ADGRB3: variants seen among roughly 807,000 people sequenced by gnomAD.
ADGRB3 encodes brain-specific angiogenesis inhibitor 3.
ADGRB3 carries 37 observed loss-of-function variants against 193.4 expected under a neutral mutation model. That is an observed-to-expected ratio of 0.19 (90% CI 0.15 to 0.25). The LOEUF (loss-of-function observed/expected upper bound fraction) is 0.25. Among genes scored for constraint, ADGRB3 ranks in the 10% least tolerant of loss-of-function variants. The pLI, the probability that ADGRB3 is intolerant of heterozygous loss-of-function variation, is 1.00. For synonymous variants in ADGRB3, 690 were observed against 644.2 expected (o/e 1.07, Z -1.08); for missense variants, 1,637 against 1,852.9 (o/e 0.88, Z 2.14).
intron 11 of ADGRB3, among the ~76,000 whole-genome samples, chr6:68,995,679 C>A (rs17478347): frequency 1.1e-4 from 17 of 152,254 alleles, no homozygotes; most frequent in African/African-American, 3.6e-4. Context: ...TTGGTGTCCT[C>A]GTCATTGCCT....
At chr6:68,820,862 A>T (rs1295431270) in intron 3 of ADGRB3, among the ~76,000 whole-genome samples, 1 of 152,086 alleles carries the variant, frequency 6.6e-6, no homozygotes, top group African/African-American at 2.4e-5. Flanking sequence ...AACAAAACAA[A>T]GACCATGTCC....
chr6:68,786,051 T>C (rs1766961723), intron 3 of ADGRB3, among the ~76,000 whole-genome samples: 1 of 151,718 alleles, frequency 6.6e-6, no homozygotes, highest in South Asian at 2.1e-4. Flanking sequence ...TTCTGGATAT[T>C]AGCCCGTTGT....
intron 3 of ADGRB3, among the ~76,000 whole-genome samples, chr6:68,765,949 T>G (rs1766501159): frequency 6.6e-6 from 1 of 152,064 alleles, no homozygotes; most frequent in Admixed American, 6.5e-5. Flanking sequence ...TTTATTCAGT[T>G]TTTTGAAATT....
At chr6:68,934,838 T>C (rs1373771945) in intron 4 of ADGRB3, among the ~76,000 whole-genome samples, 24 of 152,222 alleles carry the variant, frequency 1.6e-4, no homozygotes, top group Non-Finnish European at 4.4e-5. Flanking sequence ...TTAACTGTTA[T>C]TCAAATAGTC....
At chr6:69,306,124 T>C (rs1319569707) in intron 20 of ADGRB3, among the ~76,000 whole-genome samples, 3 of 151,446 alleles carry the variant, frequency 2.0e-5, no homozygotes, top group Non-Finnish European at 2.9e-5. Context: ...CAATCCTTCA[T>C]GGGTGGGGGG....
At chr6:68,737,132 C>G (rs1765887968) in intron 3 of ADGRB3, among the ~76,000 whole-genome samples, 2 of 151,990 alleles carry the variant, frequency 1.3e-5, no homozygotes, top group South Asian at 4.1e-4. Flanking sequence ...TGTTTTCATG[C>G]TTAAATTTGT....
rs945476101 is a variant in ADGRB3, at chr6:68,840,256, A to C, written c.758-90303A>C. 4.6e-5 allele frequency among the ~76,000 whole-genome samples: 7 copies of C among 151,822 alleles called. No homozygotes were observed. The East Asian group carries it at 1.2e-3, about 25-fold the overall frequency. On this transcript the variant is annotated intron_variant, in intron 3 of 31. Transcript: ENST00000370598. ...GCCAAAGATGTTGCAGCTCTGAAAG[A>C]GACTCCTTTCTTTTTTCTGTAGAAG...
chr6:69,323,816 T>C (rs886197759), intron 20 of ADGRB3, among the ~76,000 whole-genome samples: 1 of 152,034 alleles, frequency 6.6e-6, no homozygotes, highest in Non-Finnish European at 1.5e-5. Context: ...TATGAATAAT[T>C]TGGGCCAAAA....
At chr6:69,083,566 G>A (rs1330541531) in intron 17 of ADGRB3, among the ~76,000 whole-genome samples, 1 of 152,044 alleles carries the variant, frequency 6.6e-6, no homozygotes, top group Non-Finnish European at 1.5e-5. Context: ...ATGTGTTAAA[G>A]GGTAAGAATT....
At chr6:68,987,083 C>T (rs62418303) in intron 10 of ADGRB3, among the ~76,000 whole-genome samples, 13,138 of 152,058 alleles carry the variant, frequency 0.086, 712 homozygotes, top group Non-Finnish European at 0.13. Flanking sequence ...ATATGAATGA[C>T]ACAGAAACTT....
chr6:68,772,628 T>C (rs959900105), intron 3 of ADGRB3, among the ~76,000 whole-genome samples: 3 of 151,830 alleles, frequency 2.0e-5, no homozygotes, highest in African/African-American at 7.3e-5. Flanking sequence ...GTCAAGACAT[T>C]TGAAACAGAT....
chr6:69,034,885 G>A (rs1770821982), intron 13 of ADGRB3, among the ~76,000 whole-genome samples: 1 of 151,910 alleles, frequency 6.6e-6, no homozygotes, highest in African/African-American at 2.4e-5. Context: ...CATAGAGTGT[G>A]TGTTTGTGGG....
At chr6:69,320,825 A>ATGTGTGTGTGTGTGTGTGTGTGTG (rs5877204) in intron 20 of ADGRB3, among the ~76,000 whole-genome samples, 12 of 146,258 alleles carry the variant, frequency 8.2e-5, no homozygotes, top group Admixed American at 1.4e-4. Context: ...GCATGTGTGT[A>ATGTGTGTGTGTGTGTGTGTGTGTG]TGTGTGTGTG....
intron 20 of ADGRB3, among the ~76,000 whole-genome samples, chr6:69,290,496 A>C (rs532605167): frequency 2.9e-4 from 44 of 152,260 alleles, no homozygotes; most frequent in African/African-American, 1.1e-3. Context: ...ACATACAAGC[A>C]CAGGTCACTT....
chr6:68,791,473 T>C (rs1767106601), intron 3 of ADGRB3, among the ~76,000 whole-genome samples: 2 of 152,228 alleles, frequency 1.3e-5, no homozygotes, highest in African/African-American at 4.8e-5. Context: ...TTGTTGTTTC[T>C]GTGGAACTTG....
At chr6:69,052,595 A>C (rs1771430464) in intron 15 of ADGRB3, among the ~76,000 whole-genome samples, 1 of 152,228 alleles carries the variant, frequency 6.6e-6, no homozygotes, top group Non-Finnish European at 1.5e-5. Flanking sequence ...ACTTGCTGTA[A>C]TGCTTTGAAT....
chr6:68,755,677 G>C (rs1766286790), intron 3 of ADGRB3, among the ~76,000 whole-genome samples: 1 of 152,140 alleles, frequency 6.6e-6, no homozygotes, highest in African/African-American at 2.4e-5. Context: ...GTATTTGAAG[G>C]AAGCAGGGAA....
At chr6:69,295,601 A>G (rs1349545532) in intron 20 of ADGRB3, among the ~76,000 whole-genome samples, 5 of 152,102 alleles carry the variant, frequency 3.3e-5, no homozygotes, top group Admixed American at 1.3e-4. Context: ...AACCCACCCA[A>G]TAGAGGAAGG....
chr6:69,353,923 C>A (rs574818544), intron 26 of ADGRB3, among the ~76,000 whole-genome samples: 1 of 152,080 alleles, frequency 6.6e-6, no homozygotes, highest in East Asian at 1.9e-4. Flanking sequence ...ATTAGTCGGG[C>A]GTGGTGGTGC....
Sources: allele counts gnomAD v4.1 joint callset (sites outside exome capture counted in the v4.1 genomes callset), GRCh38; gene constraint gnomAD v4.1.1; transcripts MANE v1.5; gene names NCBI Gene and HGNC (gene_info 2026-07-23, HGNC 2026-07-21).